The following PLCG2 variants were observed in gnomAD, a reference collection of about 807,000 sequenced individuals.
PLCG2 encodes 1-phosphatidylinositol 4,5-bisphosphate phosphodiesterase gamma-2.
A neutral mutation model predicts 175.6 loss-of-function variants in PLCG2; 69 were observed. The observed-to-expected ratio is 0.39, with a 90% CI of 0.32 to 0.48. The LOEUF is 0.48. Among genes scored for constraint, PLCG2 ranks in the 20% least tolerant of loss-of-function variants. The pLI, the probability that PLCG2 is intolerant of heterozygous loss-of-function variation, is 0.91. For missense variants in PLCG2, 1,798 were observed against 1,650.9 expected (o/e 1.09, Z -1.54); for synonymous variants, 827 against 624.0 (o/e 1.33, Z -4.85).
chr16:81,903,047 G>C (rs1019442667), intron 14 of PLCG2, among the ~76,000 whole-genome samples: 1 of 152,080 alleles, frequency 6.6e-6, no homozygotes, highest in African/African-American at 2.4e-5. Flanking sequence ...ATTTGGGTGG[G>C]GACACAGCCA....
chr16:81,879,364 A>G (rs535078095), intron 7 of PLCG2, among the ~76,000 whole-genome samples: 1 of 152,346 alleles, frequency 6.6e-6, no homozygotes, highest in South Asian at 2.1e-4. Flanking sequence ...CCTATGCTGT[A>G]AATTACACAT....
intron 2 of PLCG2, among the ~76,000 whole-genome samples, chr16:81,818,806 T>G (rs1460422080): frequency 1.3e-5 from 2 of 150,784 alleles, no homozygotes; most frequent in Non-Finnish European, 2.9e-5. Context: ...GAGGGCAGCC[T>G]CATGAGAACT....
intron 2 of PLCG2, among the ~76,000 whole-genome samples, chr16:81,757,532 C>G (rs1364874950): frequency 1.3e-5 from 2 of 151,860 alleles, no homozygotes; most frequent in African/African-American, 2.4e-5. Context: ...CCACTGTACT[C>G]CAGCCTGGGT....
At chr16:81,813,306 T>C (rs1904399789) in intron 2 of PLCG2, among the ~76,000 whole-genome samples, 1 of 152,246 alleles carries the variant, frequency 6.6e-6, no homozygotes. Context: ...TCCATGAGCA[T>C]GGAATCTTTT....
At chr16:81,822,338 A>G (rs12596533) in intron 2 of PLCG2, among the ~76,000 whole-genome samples, 4,874 of 152,250 alleles carry the variant, frequency 0.032, 153 homozygotes, top group African/African-American at 0.081. Context: ...GCTCCCCGGA[A>G]CCTGTGGGTA....
chr16:81,905,352 C>T (rs1454394504), intron 14 of PLCG2, 51 bp from the exon 15 acceptor site: 2 of 1,309,230 alleles, frequency 1.5e-6, no homozygotes, highest in South Asian at 1.2e-5. Context: ...GGCTCAAAGG[C>T]CTAAACTTGG....
At chr16:81,885,301 G>A (rs181056909) in intron 9 of PLCG2, among the ~76,000 whole-genome samples, 4 of 150,874 alleles carry the variant, frequency 2.7e-5, no homozygotes, top group African/African-American at 9.8e-5. Context: ...TGGGATTACA[G>A]GTGTGAGCCA....
At chr16:81,828,135 A>G (rs935423711) in intron 2 of PLCG2, among the ~76,000 whole-genome samples, 26 of 151,666 alleles carry the variant, frequency 1.7e-4, no homozygotes, top group Non-Finnish European at 2.8e-4. Context: ...AAACACACAA[A>G]TAAGCAAAAT....
chr16:81,841,375 G>A (rs955015844), intron 2 of PLCG2, among the ~76,000 whole-genome samples: 1 of 152,002 alleles, frequency 6.6e-6, no homozygotes, highest in South Asian at 2.1e-4. Context: ...TGGGATTACA[G>A]GCACCCAGGC....
rs2143706434 is a variant in PLCG2 at position 81,928,914 on chromosome 16, CTG to C, written c.2581+294_2581+295del. 3 of 370,602 alleles carry C rather than the reference CTG, an allele frequency of 8.1e-6. No homozygotes were observed. The East Asian group carries it at 1.2e-4, about 14-fold the overall frequency. The allele number at this position is 370,602 out of a possible 1,614,324, so 23.0% of individuals were successfully genotyped here. On this transcript the variant is annotated intron_variant, in intron 24 of 32. Coordinates refer to ENST00000564138, the MANE Select transcript of PLCG2 (RefSeq NM_002661.5). ...TCACTCTTATTATTTCAGGATCCAT[CTG>C]TGTTTCCCATGCGTTGCGAAGGAAA...
chr16:81,816,988 A>G (rs1315371177), intron 2 of PLCG2, among the ~76,000 whole-genome samples: 1 of 151,922 alleles, frequency 6.6e-6, no homozygotes, highest in Non-Finnish European at 1.5e-5. Context: ...ACAGTTACCC[A>G]TTTATTGCCC....
At chr16:81,902,339 C>A (rs1012672374) in intron 14 of PLCG2, among the ~76,000 whole-genome samples, 1 of 152,176 alleles carries the variant, frequency 6.6e-6, no homozygotes, top group African/African-American at 2.4e-5. Flanking sequence ...ACAACAGGAA[C>A]TGATTTCTCA....
intron 2 of PLCG2, among the ~76,000 whole-genome samples, chr16:81,850,981 T>C (rs1476462612): frequency 6.6e-6 from 1 of 152,144 alleles, no homozygotes; most frequent in Non-Finnish European, 1.5e-5. Context: ...TAGTGCAAGG[T>C]CTGGATGGGG....
rs547682190 is a variant in PLCG2 at position 81,896,697 on chromosome 16, C to G, written c.1193+770C>G. Among the ~76,000 whole-genome samples the G allele has an allele frequency of 2.4e-4, 37 of 152,328 alleles. No homozygotes were observed. In the South Asian group the frequency reaches 7.5e-3, roughly 31 times the overall value. Reference sequence around the variant, plus strand: ...GTTCTCACCCCCACCAAACCTGTTTCTACAGGCGGAATCCAAGCAGCCAGT... The same window carrying G: ...GTTCTCACCCCCACCAAACCTGTTTGTACAGGCGGAATCCAAGCAGCCAGT... On this transcript the variant is annotated intron_variant, in intron 13 of 32. Transcript: ENST00000564138.
At chr16:81,907,892 C>T (rs1453981526) in intron 16 of PLCG2, 118 bp downstream of exon 16, 2 of 666,868 alleles carry the variant, frequency 3.0e-6, no homozygotes, top group African/African-American at 1.8e-5. Flanking sequence ...GGATGCTCCG[C>T]TGAAGAAGCT....
intron 2 of PLCG2, among the ~76,000 whole-genome samples, chr16:81,846,958 C>G (rs1251836191): frequency 6.6e-6 from 1 of 152,134 alleles, no homozygotes; most frequent in African/African-American, 2.4e-5. Context: ...TCCTCTAGTT[C>G]AGTTCAATTC....
rs374983573 is a variant in PLCG2, at chr16:81,870,914, T to C, written c.627T>C (p.Leu209=). The C allele has an allele frequency of 3.1e-6, 5 of 1,595,336 alleles. No individual in the cohort carries two copies. Among genetic ancestry groups the C allele is most frequent in the Non-Finnish European group, 4.3e-6 (5 of 1,167,076 alleles). The part of the protein sequence containing the change: ...FEQFHLFYKK[L]MFEQQKSILD... The stretch of plus-strand genomic sequence containing the variant: ...AGTTCCATCTCTTCTATAAAAAACT[T>C]ATGTTTGAACAGCAAAAATCGGTAA... Residue 209 remains leucine, a synonymous_variant, in exon 7 of 33, where the codon CTT becomes CTC. Transcript: ENST00000564138.
At chr16:81,772,891 T>G (rs1910314382) in intron 2 of PLCG2, among the ~76,000 whole-genome samples, 2 of 152,286 alleles carry the variant, frequency 1.3e-5, no homozygotes, top group African/African-American at 4.8e-5. Context: ...GACCTTCGGA[T>G]GCCTTCTTGC....
intron 2 of PLCG2, among the ~76,000 whole-genome samples, chr16:81,820,061 T>C (rs1904726754): frequency 6.6e-6 from 1 of 152,248 alleles, no homozygotes; most frequent in Admixed American, 6.5e-5. Flanking sequence ...TCTGTGAAGA[T>C]GTCCTATTTC....
Sources: allele counts gnomAD v4.1 joint callset (sites outside exome capture counted in the v4.1 genomes callset), GRCh38; gene constraint gnomAD v4.1.1; transcripts MANE v1.5; gene names NCBI Gene and HGNC (gene_info 2026-07-23, HGNC 2026-07-21).